Variants in SLCO6A1 observed in about 807,000 individuals in gnomAD.
SLCO6A1 encodes the protein solute carrier organic anion transporter family member 6A1, also known as cancer/testis antigen 48.
In SLCO6A1, 65 loss-of-function variants were observed where a neutral mutation model predicts 72.7. The ratio of observed to expected loss-of-function variants is 0.89; its 90% CI spans 0.73 to 1.10. The LOEUF is 1.10. Ranked by LOEUF, SLCO6A1 falls within the 50% of genes least tolerant of loss-of-function variation. The probability of loss-of-function intolerance (pLI) is 0.00; values close to 1 mark genes in which losing one functional copy is unlikely to be tolerated. For synonymous variants in SLCO6A1, 314 were observed against 298.2 expected (o/e 1.05, Z -0.55); for missense variants, 874 against 872.6 (o/e 1.00, Z -0.02).
At chr5:102,396,549 T>C (rs375961554) in intron 10 of SLCO6A1, among the ~76,000 whole-genome samples, 1 of 152,158 alleles carries the variant, frequency 6.6e-6, no homozygotes, top group East Asian at 1.9e-4. Context: ...ATAAATTAAC[T>C]TAAGGAGAAT....
intron 10 of SLCO6A1, among the ~76,000 whole-genome samples, chr5:102,391,806 A>G (rs1475337389): frequency 1.3e-5 from 2 of 152,154 alleles, no homozygotes; most frequent in Admixed American, 6.6e-5. Flanking sequence ...TGTGACTACT[A>G]CACTCACTAT....
intron 7 of SLCO6A1, 94 bp from the exon 8 acceptor site, chr5:102,420,115 A>G: frequency 2.0e-6 from 2 of 1,007,260 alleles, no homozygotes; most frequent in Non-Finnish European, 2.8e-6. Context: ...CTCTAAACAT[A>G]TAGCAAACAT....
chr5:102,419,310 T>G (rs1425387006), intron 8 of SLCO6A1, among the ~76,000 whole-genome samples: 1 of 152,232 alleles, frequency 6.6e-6, no homozygotes, highest in Non-Finnish European at 1.5e-5. Flanking sequence ...AAACTCTTAT[T>G]TTACTTGTTC....
chr5:102,482,002 C>T (rs922855300), intron 1 of SLCO6A1, among the ~76,000 whole-genome samples: 7 of 152,142 alleles, frequency 4.6e-5, no homozygotes, highest in Non-Finnish European at 8.8e-5. Flanking sequence ...CAGCAGGAAA[C>T]AACATATAAA....
intron 6 of SLCO6A1, among the ~76,000 whole-genome samples, chr5:102,439,050 T>G (rs1277322384): frequency 6.6e-6 from 1 of 151,988 alleles, no homozygotes; most frequent in Non-Finnish European, 1.5e-5. Flanking sequence ...GGCTTGGAAT[T>G]TTTTTGTAAA....
chr5:102,411,765 T>C (rs539267051), intron 9 of SLCO6A1, among the ~76,000 whole-genome samples: 2 of 152,232 alleles, frequency 1.3e-5, no homozygotes, highest in Admixed American at 1.3e-4. Flanking sequence ...AAAATCAAAA[T>C]ATTTTACCTC....
chr5:102,376,355 AG>A (rs1561408746), intron 12 of SLCO6A1, among the ~76,000 whole-genome samples: 1 of 152,186 alleles, frequency 6.6e-6, no homozygotes, highest in Non-Finnish European at 1.5e-5. Flanking sequence ...TGAACCTAAA[AG>A]AATATATGTA....
At chr5:102,498,369 G>T (rs116363961) in intron 1 of SLCO6A1, 118 bp downstream of exon 1, 2 of 946,822 alleles carry the variant, frequency 2.1e-6, no homozygotes, top group African/African-American at 1.6e-5. Flanking sequence ...CCTCAGGCTG[G>T]GCCACCCCAG....
intron 9 of SLCO6A1, among the ~76,000 whole-genome samples, chr5:102,408,092 T>C (rs1446375017): frequency 6.6e-6 from 1 of 152,192 alleles, no homozygotes; most frequent in African/African-American, 2.4e-5. Flanking sequence ...TGAATAGAAC[T>C]GAACCCTATA....
chr5:102,456,871 C>A (rs1219066646), intron 6 of SLCO6A1, among the ~76,000 whole-genome samples: 2 of 152,066 alleles, frequency 1.3e-5, no homozygotes, highest in African/African-American at 2.4e-5. Context: ...GGCTACAGTA[C>A]CAAAACAGCA....
rs1748511013 is a variant in SLCO6A1 at position 102,420,093 on chromosome 5, C to G, written c.1277-72G>C. The G allele has an allele frequency of 3.2e-6, 4 of 1,243,688 alleles. No individual in the cohort carries two copies. The East Asian group carries it at 1.1e-4, about 33-fold the overall frequency. The allele number at this position is 1,243,688 out of a possible 1,614,324, so 77.0% of individuals were successfully genotyped here. A position where few individuals can be genotyped will look rare whatever the true frequency, so the allele number is the denominator to read the frequency against. ...AGTACAGATAATACATACATTGATACAATTTCCTTTGCTCTAAACATATAG... is the reference window on the plus strand; with the variant it reads ...AGTACAGATAATACATACATTGATAGAATTTCCTTTGCTCTAAACATATAG... On this transcript the variant is annotated intron_variant, in intron 7 of 13. Coordinates refer to ENST00000506729, the MANE Select transcript of SLCO6A1 (RefSeq NM_173488.5).
intron 7 of SLCO6A1, among the ~76,000 whole-genome samples, chr5:102,436,759 G>A (rs1157353759): frequency 6.6e-6 from 1 of 152,116 alleles, no homozygotes; most frequent in Admixed American, 6.5e-5. Flanking sequence ...CCCTAAAACA[G>A]CTACCATTTG....
At position 102,427,871 on chromosome 5, in the gene SLCO6A1, T is replaced by A. The variant is rs949170566; in HGVS notation, c.1277-7850A>T. Among the ~76,000 whole-genome samples, 1,018 of 109,320 alleles carry A rather than the reference T, an allele frequency of 9.3e-3. 11 individuals are homozygous for A. The highest frequency in any genetic ancestry group is 0.026 in the African/African-American group (594 of 22,884). The allele number at this position is 109,320 out of a possible 152,430, so 71.7% of individuals were successfully genotyped here. A position where few individuals can be genotyped will look rare whatever the true frequency, so the allele number is the denominator to read the frequency against. On this transcript the variant is annotated intron_variant, in intron 7 of 13. Transcript: ENST00000506729. ...ATATATATATATATATATATTTTTT[T>A]TTTTTTTTTTTTTTTTGAGACCGAG... is the stretch of plus-strand genomic sequence containing the variant.
intron 6 of SLCO6A1, among the ~76,000 whole-genome samples, chr5:102,442,905 T>C (rs1749919404): frequency 6.6e-6 from 1 of 151,674 alleles, no homozygotes; most frequent in African/African-American, 2.4e-5. Flanking sequence ...CTACTAAAAA[T>C]ACAAAAATTA....
chr5:102,380,698 G>C (rs1222791924), intron 12 of SLCO6A1, among the ~76,000 whole-genome samples: 1 of 152,020 alleles, frequency 6.6e-6, no homozygotes, highest in African/African-American at 2.4e-5. Flanking sequence ...GATCATTAAA[G>C]ATGTAAAATT....
chr5:102,498,418 C>G (rs966281616), intron 1 of SLCO6A1, 69 bp downstream of exon 1: 1 of 1,466,326 alleles, frequency 6.8e-7, no homozygotes, highest in African/African-American at 1.4e-5. Context: ...CCGCCATACT[C>G]CCTCTCCCGC....
intron 6 of SLCO6A1, among the ~76,000 whole-genome samples, chr5:102,454,054 T>C (rs145091933): frequency 1.5e-3 from 222 of 152,334 alleles, no homozygotes; most frequent in African/African-American, 5.0e-3. Flanking sequence ...TGGCCAGATA[T>C]ATCTTTTACA....
intron 4 of SLCO6A1, among the ~76,000 whole-genome samples, chr5:102,471,230 T>G (rs1410025532): frequency 6.6e-6 from 1 of 152,012 alleles, no homozygotes; most frequent in Non-Finnish European, 1.5e-5. Context: ...ATGCACCCCT[T>G]CAGAGAGGTT....
intron 4 of SLCO6A1, among the ~76,000 whole-genome samples, chr5:102,475,135 C>T (rs1230763858): frequency 6.6e-6 from 1 of 151,836 alleles, no homozygotes; most frequent in Non-Finnish European, 1.5e-5. Flanking sequence ...TATTTGTACA[C>T]CTGTATTAAT....
Sources: allele counts gnomAD v4.1 joint callset (sites outside exome capture counted in the v4.1 genomes callset), GRCh38; gene constraint gnomAD v4.1.1; transcripts MANE v1.5; gene names NCBI Gene and HGNC (gene_info 2026-07-23, HGNC 2026-07-21).